ADAMTSL1: variants seen among roughly 807,000 people sequenced by gnomAD.
ADAMTSL1 encodes the protein ADAMTS-like protein 1.
In ADAMTSL1, 126 loss-of-function variants were observed where a neutral mutation model predicts 201.8. The observed-to-expected ratio is 0.62, with a 90% CI of 0.54 to 0.72. The LOEUF is 0.72. Among genes scored for constraint, ADAMTSL1 ranks in the 30% least tolerant of loss-of-function variants. The probability of loss-of-function intolerance (pLI) is 0.00; values close to 1 mark genes in which losing one functional copy is unlikely to be tolerated. For synonymous variants in ADAMTSL1, 1,121 were observed against 903.4 expected, an observed-to-expected ratio of 1.24 and a Z score of -4.32; for missense variants, 2,679 against 2,277.8, an observed-to-expected ratio of 1.18 and a Z score of -3.59.
intron 20 of ADAMTSL1, among the ~76,000 whole-genome samples, chr9:18,806,468 T>C (rs1352762544): frequency 6.6e-6 from 1 of 152,222 alleles, no homozygotes; most frequent in Non-Finnish European, 1.5e-5. Context: ...GAAGGCGGCA[T>C]GGCAGTTTAA....
At chr9:18,250,665 G>C (rs1407145979) in intron 2 of ADAMTSL1, among the ~76,000 whole-genome samples, 2 of 152,118 alleles carry the variant, frequency 1.3e-5, no homozygotes, top group Admixed American at 6.5e-5. Flanking sequence ...GGGGCCCTGG[G>C]AAGTGATGCC....
chr9:18,186,759 C>A (rs189403369), intron 2 of ADAMTSL1, among the ~76,000 whole-genome samples: 32 of 152,066 alleles, frequency 2.1e-4, no homozygotes, highest in African/African-American at 7.0e-4. Flanking sequence ...GTCACTTGAT[C>A]TTCTTGGTCA....
At position 18,001,269 on chromosome 9, in the gene ADAMTSL1, A is replaced by G. The variant is rs551841053; in HGVS notation, c.87+94347A>G. Among the ~76,000 whole-genome samples, 9 of 152,242 alleles carry G rather than the reference A, an allele frequency of 5.9e-5. No individual in the cohort carries two copies. The South Asian group carries it at 1.4e-3, about 25-fold the overall frequency. Reference sequence around the variant, plus strand: ...CAAAGATTAAATACATTGTACATATATCATGAAATATATAGGAGAAATATT... The same window carrying G: ...CAAAGATTAAATACATTGTACATATGTCATGAAATATATAGGAGAAATATT... On this transcript the variant is annotated intron_variant, in intron 1 of 29. Coordinates refer to the ADAMTSL1 transcript ENST00000680146.
At chr9:18,035,851 A>T (rs1469538639) in intron 1 of ADAMTSL1, among the ~76,000 whole-genome samples, 2 of 152,188 alleles carry the variant, frequency 1.3e-5, no homozygotes, top group Admixed American at 1.3e-4. Context: ...TGTTGAATTA[A>T]GTAACAAAAT....
intron 1 of ADAMTSL1, among the ~76,000 whole-genome samples, chr9:18,134,595 C>G (rs1252109214): frequency 6.6e-6 from 1 of 152,160 alleles, no homozygotes; most frequent in Non-Finnish European, 1.5e-5. Context: ...AGACATTTAA[C>G]TGAAGCACAC....
intron 3 of ADAMTSL1, among the ~76,000 whole-genome samples, chr9:18,548,965 T>C (rs954332405): frequency 6.6e-6 from 1 of 151,224 alleles, no homozygotes; most frequent in South Asian, 2.1e-4. Flanking sequence ...AGGCCAAAAT[T>C]CCAAAATATA....
At chr9:18,678,569 A>G (rs1044641417) in intron 10 of ADAMTSL1, among the ~76,000 whole-genome samples, 5 of 152,184 alleles carry the variant, frequency 3.3e-5, no homozygotes, top group Non-Finnish European at 7.4e-5. Context: ...GTGAAATTAC[A>G]CTATGGTCAG....
chr9:18,146,103 C>G (rs958329491), intron 1 of ADAMTSL1, among the ~76,000 whole-genome samples: 4 of 152,100 alleles, frequency 2.6e-5, no homozygotes, highest in Non-Finnish European at 5.9e-5. Flanking sequence ...GGATACAAAG[C>G]AACACATTCT....
chr9:18,640,831 T>C (rs976447610), intron 7 of ADAMTSL1, among the ~76,000 whole-genome samples: 1 of 152,026 alleles, frequency 6.6e-6, no homozygotes, highest in African/African-American at 2.4e-5. Flanking sequence ...CCTTTACTTT[T>C]TCTCATCTGA....
At chr9:18,072,984 A>G (rs1184798066) in intron 1 of ADAMTSL1, among the ~76,000 whole-genome samples, 1 of 152,134 alleles carries the variant, frequency 6.6e-6, no homozygotes. Flanking sequence ...TTTGTTGCCT[A>G]TTTAGGAAGC....
At chr9:18,124,317 G>A (rs1323531252) in intron 1 of ADAMTSL1, among the ~76,000 whole-genome samples, 2 of 152,046 alleles carry the variant, frequency 1.3e-5, no homozygotes, top group African/African-American at 2.4e-5. Context: ...TCTTGACCTC[G>A]TGATCTGCCC....
chr9:18,832,358 T>G (rs952976171), intron 23 of ADAMTSL1, among the ~76,000 whole-genome samples: 1 of 152,142 alleles, frequency 6.6e-6, no homozygotes, highest in African/African-American at 2.4e-5. Flanking sequence ...GAGGAGGTTT[T>G]GTGTAGGGTT....
chr9:18,906,311 T>C (rs1169098753), intron 27 of ADAMTSL1, among the ~76,000 whole-genome samples: 1 of 152,106 alleles, frequency 6.6e-6, no homozygotes, highest in Non-Finnish European at 1.5e-5. Context: ...CAACCTACCA[T>C]TCCTATCCAG....
At chr9:18,256,358 C>T (rs759815064) in intron 2 of ADAMTSL1, among the ~76,000 whole-genome samples, 1 of 152,078 alleles carries the variant, frequency 6.6e-6, no homozygotes, top group Non-Finnish European at 1.5e-5. Flanking sequence ...GCAACTTAGA[C>T]CCTTGAACTC....
intron 27 of ADAMTSL1, 110 bp downstream of exon 27, chr9:18,906,001 G>A: frequency 2.1e-6 from 2 of 949,306 alleles, no homozygotes; most frequent in South Asian, 3.7e-5. Context: ...CCCAAGCCCT[G>A]CCTGGGACTC....
At chr9:18,285,429 G>T (rs1256987307) in intron 2 of ADAMTSL1, among the ~76,000 whole-genome samples, 1 of 152,040 alleles carries the variant, frequency 6.6e-6, no homozygotes, top group Non-Finnish European at 1.5e-5. Flanking sequence ...AACATTAATA[G>T]AGTAATATTA....
At chr9:17,912,819 G>T in intron 1 of ADAMTSL1, among the ~76,000 whole-genome samples, 1 of 141,102 alleles carries the variant, frequency 7.1e-6, no homozygotes, top group Admixed American at 7.4e-5. Flanking sequence ...TATGGTTTTA[G>T]GTCTAACGTT....
chr9:18,793,013 A>C (rs1203915620), intron 19 of ADAMTSL1, among the ~76,000 whole-genome samples: 1 of 152,266 alleles, frequency 6.6e-6, no homozygotes. Context: ...GAGCTATATC[A>C]CAAGCTCTCA....
chr9:18,109,499 T>G (rs1172448434), intron 1 of ADAMTSL1, among the ~76,000 whole-genome samples: 1 of 152,156 alleles, frequency 6.6e-6, no homozygotes, highest in Non-Finnish European at 1.5e-5. Flanking sequence ...AACTTCAGTT[T>G]AGGACTCACA....
Sources: allele counts gnomAD v4.1 joint callset (sites outside exome capture counted in the v4.1 genomes callset), GRCh38; gene constraint gnomAD v4.1.1; transcripts MANE v1.5; gene names NCBI Gene and HGNC (gene_info 2026-07-23, HGNC 2026-07-21).